The following MAN1A1 variants were observed in gnomAD, a reference collection of about 807,000 sequenced individuals.
The protein encoded by MAN1A1 is mannosidase alpha class 1A member 1.
MAN1A1 carries 29 observed loss-of-function variants against 70.8 expected under a neutral mutation model. The observed-to-expected ratio is 0.41, with a 90% CI of 0.31 to 0.56. The LOEUF is 0.56. MAN1A1 is among the 20% of genes least tolerant of loss of function. MAN1A1 has a pLI of 0.29. For missense variants in MAN1A1, 747 were observed against 841.3 expected (o/e 0.89, Z 1.39); for synonymous variants, 349 against 330.1 (o/e 1.06, Z -0.62).
At chr6:119,307,221 G>C (rs553326443) in intron 2 of MAN1A1, among the ~76,000 whole-genome samples, 1 of 152,234 alleles carries the variant, frequency 6.6e-6, no homozygotes, top group Non-Finnish European at 1.5e-5. Context: ...TTTCGTTTTT[G>C]AGTCCATTTA....
At chr6:119,299,426 G>C (rs545816936) in intron 4 of MAN1A1, among the ~76,000 whole-genome samples, 2 of 152,014 alleles carry the variant, frequency 1.3e-5, no homozygotes, top group African/African-American at 4.8e-5. Context: ...GAGAAATATG[G>C]CTGTAATTTT....
intron 5 of MAN1A1, among the ~76,000 whole-genome samples, chr6:119,284,136 T>A (rs1776293463): frequency 6.6e-6 from 1 of 152,192 alleles, no homozygotes; most frequent in South Asian, 2.1e-4. Context: ...GGCTATTTTA[T>A]CTCAGGCATA....
At chr6:119,266,408 G>C (rs1159297170) in intron 5 of MAN1A1, among the ~76,000 whole-genome samples, 1 of 152,064 alleles carries the variant, frequency 6.6e-6, no homozygotes, top group African/African-American at 2.4e-5. Flanking sequence ...GAACAGAATA[G>C]AGAGCCTAGA....
At chr6:119,267,349 T>A (rs1023437190) in intron 5 of MAN1A1, among the ~76,000 whole-genome samples, 3 of 152,218 alleles carry the variant, frequency 2.0e-5, no homozygotes, top group Admixed American at 6.5e-5. Context: ...TGAATTATGC[T>A]TGTTTTATGT....
intron 2 of MAN1A1, 82 bp downstream of exon 2, chr6:119,348,381 A>G: frequency 7.6e-7 from 1 of 1,322,720 alleles, no homozygotes; most frequent in East Asian, 2.4e-5. Context: ...GCATTGTTGC[A>G]GTCTTCAGAG....
chr6:119,260,415 A>C (rs1775575398), intron 5 of MAN1A1, among the ~76,000 whole-genome samples: 1 of 152,218 alleles, frequency 6.6e-6, no homozygotes, highest in Admixed American at 6.5e-5. Context: ...TTGATATTAC[A>C]AACAGCTTAG....
intron 9 of MAN1A1, among the ~76,000 whole-genome samples, chr6:119,191,138 G>A (rs941459746): frequency 5.9e-5 from 9 of 152,246 alleles, no homozygotes; most frequent in East Asian, 1.9e-4. Context: ...CTCATTAACC[G>A]TGGTTAAGCT....
intron 2 of MAN1A1, among the ~76,000 whole-genome samples, chr6:119,344,843 T>C (rs1022151907): frequency 1.3e-5 from 2 of 152,244 alleles, no homozygotes; most frequent in East Asian, 3.8e-4. Context: ...GAAAATGTTC[T>C]TTAAATTCAT....
intron 7 of MAN1A1, 99 bp downstream of exon 7, chr6:119,204,660 G>C: frequency 7.0e-7 from 1 of 1,425,696 alleles, no homozygotes; most frequent in Non-Finnish European, 9.6e-7. Context: ...AACAAATTTG[G>C]TTATTATTTC....
intron 2 of MAN1A1, among the ~76,000 whole-genome samples, chr6:119,316,355 G>A (rs12207595): frequency 0.27 from 40,720 of 151,658 alleles, 6,531 homozygotes; most frequent in Non-Finnish European, 0.36. Context: ...TAGTAGAGAC[G>A]GGGTTTCGCC....
chr6:119,217,114 A>T (rs1774227175), intron 6 of MAN1A1, among the ~76,000 whole-genome samples: 2 of 152,206 alleles, frequency 1.3e-5, no homozygotes, highest in Admixed American at 1.3e-4. Flanking sequence ...CCTAATACAC[A>T]TTCCCTCTTA....
Position 119,284,263 on chromosome 6 carries a change from T to A in MAN1A1, c.897+6420A>T, listed in dbSNP as rs1047162251. Among the ~76,000 whole-genome samples the A allele has an allele frequency of 2.0e-5, 3 of 152,154 alleles. No homozygotes were observed. In the South Asian group the frequency reaches 6.2e-4, roughly 32 times the overall value. On this transcript the variant is annotated intron_variant, in intron 5 of 12. Transcript: ENST00000368468. The stretch of plus-strand genomic sequence containing the variant: ...ATCTGGAGCACATCTCTCACGGTTT[T>A]TTCCCAATCACCGCCCAATCTGATA...
At chr6:119,193,548 G>T (rs1773494559) in intron 9 of MAN1A1, among the ~76,000 whole-genome samples, 1 of 152,142 alleles carries the variant, frequency 6.6e-6, no homozygotes, top group African/African-American at 2.4e-5. Context: ...TCAGATATGT[G>T]ACTCTTAACT....
intron 5 of MAN1A1, among the ~76,000 whole-genome samples, chr6:119,273,152 T>C (rs1775970545): frequency 6.6e-6 from 1 of 152,146 alleles, no homozygotes; most frequent in African/African-American, 2.4e-5. Flanking sequence ...GGGGCAGAAA[T>C]TTAGTTAATG....
chr6:119,344,696 C>T (rs1182454609), intron 2 of MAN1A1, among the ~76,000 whole-genome samples: 1 of 152,148 alleles, frequency 6.6e-6, no homozygotes, highest in East Asian at 1.9e-4. Context: ...TTTTAACCTG[C>T]CAAGGCAGAT....
At position 119,348,792 on chromosome 6, in the gene MAN1A1, C is replaced by T; in HGVS notation, c.274G>A (p.Ala92Thr). The change falls in exon 2 of 13, where the codon GCG becomes ACG. Residue 92 changes from alanine to threonine, a missense_variant. Around this residue, in one of 2 missense-constraint regions of MAN1A1, gnomAD observed 328 missense variants for 293.1 expected, o/e 1.12. Coordinates refer to ENST00000368468, the MANE Select transcript of MAN1A1 (RefSeq NM_005907.4). ...PAADHKPGPG[A>T]RAEDAAEGRA... ...CCCTCGGCCGCGTCCTCGGCGCGCGCCCCGGGCCCGGGCTTGTGGTCGGCG... is the reference window on the plus strand; with the variant it reads ...CCCTCGGCCGCGTCCTCGGCGCGCGTCCCGGGCCCGGGCTTGTGGTCGGCG... The T allele has an allele frequency of 7.0e-7, 1 of 1,424,080 alleles. No homozygotes were observed. The highest frequency in any genetic ancestry group is 9.2e-7 in the Non-Finnish European group (1 of 1,085,852). The allele number at this position is 1,424,080 out of a possible 1,614,324, so 88.2% of individuals were successfully genotyped here. A position where few individuals can be genotyped will look rare whatever the true frequency, so the allele number is the denominator to read the frequency against.
intron 5 of MAN1A1, among the ~76,000 whole-genome samples, chr6:119,250,666 G>A (rs956026011): frequency 4.6e-5 from 7 of 151,436 alleles, no homozygotes; most frequent in Non-Finnish European, 4.4e-5. Flanking sequence ...GTGTGTGTGT[G>A]TGTGTGTGTG....
At chr6:119,314,215 T>G (rs933008780) in intron 2 of MAN1A1, among the ~76,000 whole-genome samples, 28 of 152,258 alleles carry the variant, frequency 1.8e-4, no homozygotes, top group African/African-American at 6.0e-4. Flanking sequence ...GCTATCTCTT[T>G]GCCACAAATT....
intron 6 of MAN1A1, among the ~76,000 whole-genome samples, chr6:119,208,593 C>T (rs1360799761): frequency 6.6e-6 from 1 of 152,118 alleles, no homozygotes; most frequent in Non-Finnish European, 1.5e-5. Context: ...TAGCAATGGG[C>T]TTTATGTGCT....
Sources: allele counts gnomAD v4.1 joint callset (sites outside exome capture counted in the v4.1 genomes callset), GRCh38; gene constraint gnomAD v4.1.1; regional missense constraint gnomAD v4.1.1; transcripts MANE v1.5; gene names NCBI Gene and HGNC (gene_info 2026-07-23, HGNC 2026-07-21).